The following NRG1 variants were observed in gnomAD, a reference collection of about 807,000 sequenced individuals.
NRG1 encodes neuregulin 1.
In NRG1, 18 loss-of-function variants were observed where a neutral mutation model predicts 63.8. The observed-to-expected ratio is 0.28, with a 90% CI of 0.19 to 0.42. The LOEUF is 0.42. Ranked by LOEUF, NRG1 falls within the 10% of genes least tolerant of loss-of-function variation. The pLI is 1.00. For synonymous variants in NRG1, 302 were observed against 301.3 expected, an observed-to-expected ratio of 1.00 and a Z score of -0.02; for missense variants, 762 against 814.7, an observed-to-expected ratio of 0.94 and a Z score of 0.79.
intron 1 of NRG1, among the ~76,000 whole-genome samples, chr8:31,953,057 G>T (rs538846849): frequency 6.6e-6 from 1 of 151,976 alleles, no homozygotes; most frequent in South Asian, 2.1e-4. Context: ...GTAGGTTTGG[G>T]CCTCAATTTC....
At chr8:32,299,025 CAAAAAAAAAAAA>C (rs34799826) in intron 1 of NRG1, among the ~76,000 whole-genome samples, 225 of 59,576 alleles carry the variant, frequency 3.8e-3, no homozygotes, top group South Asian at 7.3e-3. Context: ...GACTCTATCT[CAAAAAAAAAAAA>C]AAAAAAAAAA....
intron 1 of NRG1, among the ~76,000 whole-genome samples, chr8:32,045,618 G>GTGGGTCCCATAGATCAA (rs371130210): frequency 3.1e-4 from 47 of 152,052 alleles, no homozygotes; most frequent in African/African-American, 1.0e-3. Context: ...GACGAGATCA[G>GTGGGTCCCATAGATCAA]TGGGTCCCAT....
chr8:32,275,277 G>A (rs1851971350), intron 1 of NRG1, among the ~76,000 whole-genome samples: 1 of 152,186 alleles, frequency 6.6e-6, no homozygotes, highest in Non-Finnish European at 1.5e-5. Flanking sequence ...GTTAGGCACT[G>A]TTCCAGGGTC....
chr8:32,598,285 G>C (rs1032561976), intron 2 of NRG1, among the ~76,000 whole-genome samples: 4 of 152,150 alleles, frequency 2.6e-5, no homozygotes, highest in African/African-American at 9.6e-5. Context: ...CTAGAAGAAA[G>C]CATCTCACAT....
intron 1 of NRG1, among the ~76,000 whole-genome samples, chr8:31,684,906 G>A (rs184073296): frequency 6.6e-6 from 1 of 152,128 alleles, no homozygotes; most frequent in Admixed American, 6.5e-5. Flanking sequence ...ATTTGAACTT[G>A]ATATAAATAG....
chr8:31,780,984 C>T (rs12543079), intron 1 of NRG1, among the ~76,000 whole-genome samples: 23,266 of 152,182 alleles, frequency 0.15, 1,938 homozygotes, highest in Admixed American at 0.21. Context: ...ATCATAATCT[C>T]TCAACTTTTC....
At chr8:31,915,143 A>C (rs1363067896) in intron 1 of NRG1, among the ~76,000 whole-genome samples, 1 of 151,964 alleles carries the variant, frequency 6.6e-6, no homozygotes, top group Non-Finnish European at 1.5e-5. Flanking sequence ...GATTTTTTAG[A>C]ATTGCAGTAT....
At chr8:32,039,692 C>T (rs775873467) in intron 1 of NRG1, among the ~76,000 whole-genome samples, 2 of 152,034 alleles carry the variant, frequency 1.3e-5, no homozygotes, top group Non-Finnish European at 2.9e-5. Context: ...AGGCATGGAT[C>T]TTAACCTCAA....
intron 1 of NRG1, among the ~76,000 whole-genome samples, chr8:31,726,510 A>C (rs1489114145): frequency 6.6e-6 from 1 of 152,196 alleles, no homozygotes; most frequent in Non-Finnish European, 1.5e-5. Context: ...TAGATCTAGA[A>C]TGAGGTCTGG....
Position 31,756,414 on chromosome 8 carries a change from T to C in NRG1, c.37+116983T>C, listed in dbSNP as rs540118214. On this transcript the variant is annotated intron_variant, in intron 1 of 10. Transcript: ENST00000519301. ...GCTGAAAGAAGACCAGAGAAGTCAG[T>C]GAAGTCAACCTCCTGGACACAGCTT... is the stretch of plus-strand genomic sequence containing the variant. Among the ~76,000 whole-genome samples, 6 of 152,160 alleles carry C rather than the reference T, an allele frequency of 3.9e-5. No individual in the cohort carries two copies. In the South Asian group the frequency reaches 1.2e-3, roughly 32 times the overall value.
chr8:31,969,573 C>T (rs948732360), intron 1 of NRG1, among the ~76,000 whole-genome samples: 7 of 152,154 alleles, frequency 4.6e-5, no homozygotes, highest in African/African-American at 1.7e-4. Context: ...GTGATTGGTT[C>T]TGATCACTGT....
At chr8:32,612,413 A>G (rs1372363852) in intron 3 of NRG1, among the ~76,000 whole-genome samples, 7 of 152,108 alleles carry the variant, frequency 4.6e-5, no homozygotes, top group Non-Finnish European at 7.4e-5. Flanking sequence ...AGTATAGGTT[A>G]ACTTTTGAGC....
At chr8:32,672,148 G>T (rs1465890548) in intron 5 of NRG1, among the ~76,000 whole-genome samples, 3 of 151,682 alleles carry the variant, frequency 2.0e-5, no homozygotes, top group African/African-American at 4.8e-5. Context: ...GGGTTCCAGC[G>T]ATTCTCCTGC....
intron 1 of NRG1, among the ~76,000 whole-genome samples, chr8:32,467,682 G>A (rs1001460795): frequency 3.3e-5 from 5 of 152,120 alleles, no homozygotes; most frequent in African/African-American, 7.2e-5. Flanking sequence ...AACATGTAGG[G>A]AACAACTACA....
At chr8:32,526,077 T>C (rs1310827880) in intron 1 of NRG1, among the ~76,000 whole-genome samples, 1 of 152,246 alleles carries the variant, frequency 6.6e-6, no homozygotes, top group African/African-American at 2.4e-5. Flanking sequence ...AATGCACATT[T>C]ATTCTCTTAG....
At chr8:32,250,907 T>C (rs79103173) in intron 1 of NRG1, among the ~76,000 whole-genome samples, 1 of 152,054 alleles carries the variant, frequency 6.6e-6, no homozygotes, top group Non-Finnish European at 1.5e-5. Flanking sequence ...TATAATAAAT[T>C]TGTAGACATG....
intron 1 of NRG1, among the ~76,000 whole-genome samples, chr8:32,539,251 T>G (rs1011816480): frequency 6.6e-6 from 1 of 152,140 alleles, no homozygotes; most frequent in African/African-American, 2.4e-5. Flanking sequence ...CACGAAGGAA[T>G]GACAAGATAA....
intron 1 of NRG1, among the ~76,000 whole-genome samples, chr8:31,967,803 C>CTTT (rs1449022798): frequency 6.6e-6 from 1 of 152,098 alleles, no homozygotes; most frequent in Non-Finnish European, 1.5e-5. Context: ...AGAGAAAGCA[C>CTTT]TAAAAAAAAG....
At chr8:32,066,938 C>G (rs1216072036) in intron 1 of NRG1, among the ~76,000 whole-genome samples, 1 of 151,962 alleles carries the variant, frequency 6.6e-6, no homozygotes, top group Non-Finnish European at 1.5e-5. Context: ...GTATTTTATT[C>G]TCTTTGAAGC....
Sources: gnomAD v4.1 joint callset for allele counts (sites outside exome capture counted in the v4.1 genomes callset) on GRCh38, gnomAD v4.1.1 for gene constraint, MANE v1.5 for transcripts, NCBI Gene and HGNC (gene_info 2026-07-23, HGNC 2026-07-21) for gene names.